Variants in NRCAM observed in about 807,000 individuals in gnomAD.
NRCAM encodes neuronal cell adhesion molecule, also known as NgCAM-related cell adhesion molecule.
Under a neutral mutation model 156.5 loss-of-function variants are expected in NRCAM, and 83 were observed. The ratio of observed to expected loss-of-function variants is 0.53; its 90% CI spans 0.44 to 0.64. The LOEUF (loss-of-function observed/expected upper bound fraction) is 0.64, where lower values mean the gene tolerates loss of function less well. Among genes scored for constraint, NRCAM ranks in the 30% least tolerant of loss-of-function variants. NRCAM has a pLI of 0.00. For missense variants in NRCAM, 1,417 were observed against 1,597.3 expected (o/e 0.89, Z 1.92); for synonymous variants, 538 against 563.9 (o/e 0.95, Z 0.65).
intron 3 of NRCAM, among the ~76,000 whole-genome samples, chr7:108,248,668 T>A (rs2096127145): frequency 6.6e-6 from 1 of 152,148 alleles, no homozygotes; most frequent in Non-Finnish European, 1.5e-5. Context: ...ACTCAACAAA[T>A]GTCTTCCAAA....
chr7:108,257,144 G>A (rs1043435640), intron 3 of NRCAM, among the ~76,000 whole-genome samples: 8 of 151,942 alleles, frequency 5.3e-5, no homozygotes, highest in Non-Finnish European at 8.8e-5. Context: ...AGGAAGAAAA[G>A]GCAAAACTAT....
Position 108,322,536 on chromosome 7 carries a change from A to C in NRCAM, c.-173-9805T>G, listed in dbSNP as rs540044305. ...TTTAGTTACACTGATTTTTTGAACC[A>C]AATGGAACTTTTTGAGCATAAAAAG... On this transcript the variant is annotated intron_variant, in intron 2 of 32. Transcript: ENST00000379028. Among the ~76,000 whole-genome samples the C allele has an allele frequency of 4.7e-4, 72 of 152,312 alleles. 1 individual carries two copies. In the South Asian group the frequency reaches 0.014, roughly 30 times the overall value.
intron 3 of NRCAM, among the ~76,000 whole-genome samples, chr7:108,289,370 T>C (rs1009956175): frequency 1.7e-4 from 26 of 152,264 alleles, no homozygotes; most frequent in African/African-American, 5.8e-4. Flanking sequence ...TTATCTCACA[T>C]AGCTGTCATC....
chr7:108,168,453 C>A, intron 28 of NRCAM, 51 bp from the exon 29 acceptor site: 1 of 1,460,220 alleles, frequency 6.8e-7, no homozygotes, highest in South Asian at 1.5e-5. Flanking sequence ...CAACACCATA[C>A]ACACGAATAT....
chr7:108,163,057 A>G (rs1032826584), intron 30 of NRCAM, among the ~76,000 whole-genome samples: 4 of 150,890 alleles, frequency 2.7e-5, no homozygotes, highest in Non-Finnish European at 4.4e-5. Context: ...GAGAGAATTA[A>G]ACCTATGGGA....
At chr7:108,238,027 G>C (rs149557165) in intron 4 of NRCAM, among the ~76,000 whole-genome samples, 1 of 152,174 alleles carries the variant, frequency 6.6e-6, no homozygotes, top group Non-Finnish European at 1.5e-5. Flanking sequence ...GTAGGCAAAC[G>C]AGTTCTTCCA....
At chr7:108,420,297 G>A (rs917610205) in intron 1 of NRCAM, among the ~76,000 whole-genome samples, 2 of 152,092 alleles carry the variant, frequency 1.3e-5, no homozygotes, top group African/African-American at 4.8e-5. Context: ...GCAGACACTT[G>A]ATGTCTGATG....
chr7:108,371,200 T>C (rs1226085010), intron 2 of NRCAM, among the ~76,000 whole-genome samples: 1 of 152,194 alleles, frequency 6.6e-6, no homozygotes, highest in Non-Finnish European at 1.5e-5. Flanking sequence ...CTAGCAGATA[T>C]TAAAGGCTAA....
intron 2 of NRCAM, among the ~76,000 whole-genome samples, chr7:108,355,892 T>G (rs998471009): frequency 1.3e-5 from 2 of 152,096 alleles, no homozygotes; most frequent in African/African-American, 4.8e-5. Context: ...AGGTATTTTA[T>G]CAACTCACAT....
intron 2 of NRCAM, among the ~76,000 whole-genome samples, chr7:108,364,423 A>G (rs1158910997): frequency 6.6e-6 from 1 of 152,204 alleles, no homozygotes; most frequent in Admixed American, 6.5e-5. Context: ...AAAATGGTAT[A>G]GGCACTTTGA....
chr7:108,431,543 G>A lies in NRCAM; in HGVS notation c.-332+24700C>T, dbSNP rs370252132. On this transcript the variant is annotated intron_variant, in intron 1 of 32. Transcript: ENST00000379028. ...CATGCCTATAATCCTAGCACTTTGG[G>A]AGGCCGAGGCAGGAGGATCACTTGA... Among the ~76,000 whole-genome samples, 378 of 152,272 alleles carry A rather than the reference G, an allele frequency of 2.5e-3. 3 individuals are homozygous for A. The highest frequency in any genetic ancestry group is 8.8e-3 in the African/African-American group (366 of 41,548).
chr7:108,294,023 G>A (rs1397140902), intron 3 of NRCAM, among the ~76,000 whole-genome samples: 1 of 151,938 alleles, frequency 6.6e-6, no homozygotes, highest in Non-Finnish European at 1.5e-5. Context: ...TTTCCCTTGG[G>A]TTCTGCTAAT....
intron 13 of NRCAM, among the ~76,000 whole-genome samples, chr7:108,198,834 A>G (rs2076474354): frequency 6.6e-6 from 1 of 152,232 alleles, no homozygotes; most frequent in African/African-American, 2.4e-5. Flanking sequence ...GTTTTCAGCT[A>G]AATCTCTCAA....
At chr7:108,181,146 C>T (rs2063240333) in intron 24 of NRCAM, among the ~76,000 whole-genome samples, 1 of 151,440 alleles carries the variant, frequency 6.6e-6, no homozygotes, top group African/African-American at 2.4e-5. Context: ...AATTTAAAGG[C>T]ATTTTCAGGA....
At chr7:108,399,829 T>C (rs909683654) in intron 1 of NRCAM, among the ~76,000 whole-genome samples, 8 of 152,196 alleles carry the variant, frequency 5.3e-5, no homozygotes, top group Admixed American at 2.0e-4. Flanking sequence ...TCCAATTACA[T>C]TGCAGTGTAG....
chr7:108,454,709 T>A (rs1854468536), intron 1 of NRCAM, among the ~76,000 whole-genome samples: 2 of 152,170 alleles, frequency 1.3e-5, no homozygotes, highest in Non-Finnish European at 2.9e-5. Flanking sequence ...GTTACTGTGT[T>A]CCTTTCCAGG....
At chr7:108,173,133 C>A (rs2059171815) in intron 28 of NRCAM, among the ~76,000 whole-genome samples, 1 of 151,702 alleles carries the variant, frequency 6.6e-6, no homozygotes, top group African/African-American at 2.4e-5. Flanking sequence ...TTACAGGCGC[C>A]CAACAACACG....
chr7:108,282,798 C>A (rs2097909124), intron 3 of NRCAM, among the ~76,000 whole-genome samples: 1 of 152,176 alleles, frequency 6.6e-6, no homozygotes, highest in Non-Finnish European at 1.5e-5. Flanking sequence ...AATTAGTCAT[C>A]ACTAGTAAAA....
rs1215978427 is a variant in NRCAM, at chr7:108,189,694, A to G, written c.1986T>C (p.Ser662=). 1.6e-5 allele frequency: 25 copies of G among 1,564,166 alleles called. No homozygotes were observed. Among genetic ancestry groups the G allele is most frequent in the Non-Finnish European group, 2.1e-5 (24 of 1,136,954 alleles). The change falls in exon 20 of 33, where the codon AGT becomes AGC. Residue 662 remains serine (S), a synonymous_variant. Transcript: ENST00000379028. ...CGCCTGGGGTCCATGACAGCTGAAC[A>G]CTTTTGTCAAGTTGATCTGTCAGTT... ...DLELTDQLDK[S]VQLSWTPGDD...
Sources: allele counts gnomAD v4.1 joint callset (sites outside exome capture counted in the v4.1 genomes callset), GRCh38; gene constraint gnomAD v4.1.1; transcripts MANE v1.5; gene names NCBI Gene and HGNC (gene_info 2026-07-23, HGNC 2026-07-21).